Variants in IDH2 observed in about 807,000 individuals in gnomAD.
IDH2 encodes the protein isocitrate dehydrogenase (NADP(+)) 2, also known as isocitrate dehydrogenase [NADP], mitochondrial.
Under a neutral mutation model 50.5 loss-of-function variants are expected in IDH2, and 18 were observed. The observed-to-expected ratio is 0.36, with a 90% CI of 0.25 to 0.53. The LOEUF is 0.53. IDH2 is among the 20% of genes least tolerant of loss of function. The probability of loss-of-function intolerance (pLI) is 0.92; values close to 1 mark genes in which losing one functional copy is unlikely to be tolerated. For missense variants in IDH2, 518 were observed against 610.7 expected (o/e 0.85, Z 1.60); for synonymous variants, 280 against 239.8 (o/e 1.17, Z -1.55).
At chr15:90,096,916 GAA>G (rs1019055715) in intron 1 of IDH2, among the ~76,000 whole-genome samples, 2 of 141,476 alleles carry the variant, frequency 1.4e-5, no homozygotes, top group Non-Finnish European at 1.5e-5. Flanking sequence ...ACTCCGTCTC[GAA>G]AAAAAAAAAG....
chr15:90,090,722 G>T, intron 2 of IDH2, 78 bp from the exon 3 acceptor site: 1 of 1,411,532 alleles, frequency 7.1e-7, no homozygotes, highest in Non-Finnish European at 1.0e-6. Flanking sequence ...TAAGAAGTCT[G>T]CAGGCCATGG....
Position 90,098,440 on chromosome 15 carries a change from A to C in IDH2, c.115+3836T>G, listed in dbSNP as rs764758970. On this transcript the variant is annotated intron_variant, in intron 1 of 10. Transcript: ENST00000330062. This position sits in a 1 kb window ranked among gnomAD's most constrained non-coding sequence, Gnocchi z 5.1. ...TCAGCATGTCCCAGCAAAAGATCAG[A>C]GAGTGGGGAAAGGTTCCAATTCCTG... Among the ~76,000 whole-genome samples, 5 of 152,118 alleles carry C rather than the reference A, an allele frequency of 3.3e-5. No homozygotes were observed. The highest frequency in any genetic ancestry group is 4.8e-5 in the African/African-American group (2 of 41,394).
chr15:90,090,746 G>A, intron 2 of IDH2, 102 bp from the exon 3 acceptor site: 1 of 1,252,136 alleles, frequency 8.0e-7, no homozygotes, highest in African/African-American at 1.5e-5. Context: ...GGGACAGTCA[G>A]TCAAAACAGG....
At position 90,084,436 on chromosome 15, in the gene IDH2, G is replaced by A. The variant is rs1342083281; in HGVS notation, c.1272-83C>T. The stretch of plus-strand genomic sequence containing the variant: ...GCCAGGCCCTTCCAGGGAACAGCCT[G>A]AGCTTGGGCATCAGAACAGCCATCT... On this transcript the variant is annotated intron_variant, in intron 10 of 10. Coordinates refer to ENST00000330062, the MANE Select transcript of IDH2 (RefSeq NM_002168.4). The surrounding 1 kb of genome is among the most constrained non-coding windows in gnomAD (Gnocchi z 5.0). 3 of 1,273,044 alleles carry A rather than the reference G, an allele frequency of 2.4e-6. No homozygotes were observed. Among genetic ancestry groups the A allele is most frequent in the African/African-American group, 1.5e-5 (1 of 67,808 alleles). The allele number at this position is 1,273,044 out of a possible 1,614,324, so 78.9% of individuals were successfully genotyped here. A position where few individuals can be genotyped will look rare whatever the true frequency, so the allele number is the denominator to read the frequency against.
In IDH2 at chr15:90,084,064, G is replaced by T; in HGVS notation, c.*202C>A. On this transcript the variant is annotated 3_prime_UTR_variant, in exon 11 of 11. Coordinates refer to ENST00000330062, the MANE Select transcript of IDH2 (RefSeq NM_002168.4). The surrounding 1 kb of genome is among the most constrained non-coding windows in gnomAD (Gnocchi z 5.0). ...TACAGTATGCAAAACATACTGACTG[G>T]CTGAGGTAAAACGCACTGCTCCTGC... 1.7e-6 allele frequency: 1 copy of T among 601,512 alleles called. No homozygotes were observed. Among genetic ancestry groups the T allele is most frequent in the Non-Finnish European group, 3.0e-6 (1 of 335,908 alleles). 37.3% of individuals were successfully genotyped at this position (601,512 alleles called of 1,614,324 possible). A position where few individuals can be genotyped will look rare whatever the true frequency, so the allele number is the denominator to read the frequency against.
intron 1 of IDH2, among the ~76,000 whole-genome samples, chr15:90,093,433 G>A (rs576359405): frequency 6.6e-6 from 1 of 152,160 alleles, no homozygotes; most frequent in Non-Finnish European, 1.5e-5. Flanking sequence ...AACTTTGTCT[G>A]TTGCGTGCAA....
chr15:90,086,522 T>C (rs1052544155), intron 7 of IDH2, among the ~76,000 whole-genome samples: 1 of 152,132 alleles, frequency 6.6e-6, no homozygotes, highest in Non-Finnish European at 1.5e-5. Flanking sequence ...GCCTCTCAAG[T>C]AGCTGGGATT....
At chr15:90,087,804 GC>G (rs1900906905) in intron 5 of IDH2, among the ~76,000 whole-genome samples, 1 of 114,654 alleles carries the variant, frequency 8.7e-6, no homozygotes, top group African/African-American at 3.6e-5. Context: ...GGAAAACACC[GC>G]CTTTTTTTTT....
intron 1 of IDH2, among the ~76,000 whole-genome samples, chr15:90,094,817 G>A (rs1053213158): frequency 3.3e-5 from 5 of 152,224 alleles, no homozygotes; most frequent in Non-Finnish European, 5.9e-5. Context: ...CAGGAGAATC[G>A]CTTGAACCCG....
chr15:90,093,442 A>G (rs4462566), intron 1 of IDH2, among the ~76,000 whole-genome samples: 152,299 of 152,308 alleles, frequency 1, 76,145 homozygotes, highest in Middle Eastern at 1. Flanking sequence ...TGTTGCGTGC[A>G]ACCCAAGAGC....
chr15:90,087,580 A>G lies in IDH2; in HGVS notation c.679-5T>C. 4 of 1,612,934 alleles carry G rather than the reference A, an allele frequency of 2.5e-6. No homozygotes were observed. The highest frequency in any genetic ancestry group is 1.1e-5 in the South Asian group (1 of 91,014). On this transcript the variant is annotated splice_region_variant and splice_polypyrimidine_tract_variant and intron_variant, in intron 5 of 10. Coordinates refer to ENST00000330062, the MANE Select transcript of IDH2 (RefSeq NM_002168.4). ...GTGCGCAAAACCTGAGATGGACTGCAGGGGGAGAGACAGGGCCCTGGCGTG... is the reference window on the plus strand; with the variant it reads ...GTGCGCAAAACCTGAGATGGACTGCGGGGGGAGAGACAGGGCCCTGGCGTG...
rs751080545 is a variant in IDH2 at position 90,087,585 on chromosome 15, G to A, written c.679-10C>T. ...CAAAACCTGAGATGGACTGCAGGGG[G>A]AGAGACAGGGCCCTGGCGTGGTGCC... On this transcript the variant is annotated splice_polypyrimidine_tract_variant and intron_variant, in intron 5 of 10. Transcript: ENST00000330062. The A allele has an allele frequency of 6.2e-7, 1 of 1,612,770 alleles. No homozygotes were observed. The highest frequency in any genetic ancestry group is 1.7e-5 in the Admixed American group (1 of 60,020).
rs1211364171 is a variant in IDH2 at position 90,088,688 on chromosome 15, C to A, written c.433G>T (p.Gly145Trp). 1 of 1,614,096 alleles carries A rather than the reference C, an allele frequency of 6.2e-7. No homozygotes were observed. Among genetic ancestry groups the A allele is most frequent in the Non-Finnish European group, 8.5e-7 (1 of 1,180,024 alleles). The stretch of plus-strand genomic sequence containing the variant: ...ATGATGGGCTCCCGGAAGACAGTCC[C>A]CCCCAGGATGTTCCGGATAGTTCCA... ...PNGTIRNILG[G>W]TVFREPIICK... Residue 145 changes from glycine (G) to tryptophan (W), a missense_variant, in exon 4 of 11, where the codon GGG (glycine) becomes TGG (tryptophan). Coordinates refer to ENST00000330062, the MANE Select transcript of IDH2 (RefSeq NM_002168.4).
intron 1 of IDH2, among the ~76,000 whole-genome samples, chr15:90,095,906 G>T (rs1290053058): frequency 6.6e-6 from 1 of 152,154 alleles, no homozygotes; most frequent in Non-Finnish European, 1.5e-5. Flanking sequence ...TGTTCTGCTT[G>T]TTCCAGGTAC....
intron 3 of IDH2, among the ~76,000 whole-genome samples, chr15:90,089,417 C>T (rs1224433102): frequency 6.6e-6 from 1 of 152,136 alleles, no homozygotes; most frequent in Non-Finnish European, 1.5e-5. Flanking sequence ...GAGTACAGTC[C>T]GGGGGAAGGA....
In IDH2 at chr15:90,085,377, G is replaced by A. The variant is rs2151547107; in HGVS notation, c.978C>T (p.Ser326=). 6.4e-7 allele frequency: 1 copy of A among 1,556,180 alleles called. No homozygotes were observed. Among genetic ancestry groups the A allele is most frequent in the South Asian group, 1.2e-5 (1 of 84,400 alleles). Residue 326 remains serine (S), a synonymous_variant, in exon 8 of 11, where the codon TCC becomes TCT. Coordinates refer to ENST00000330062, the MANE Select transcript of IDH2 (RefSeq NM_002168.4). This position sits in a 1 kb window ranked among gnomAD's most constrained non-coding sequence, Gnocchi z 5.5. ...QSDILAQGFG[S]LGLMTSVLVC... Reference sequence around the variant, plus strand: ...CCAGGACGGACGTCATCAGGCCAAGGGAGCCAAAGCCTGGAGGGTAGAAAG... The same window carrying A: ...CCAGGACGGACGTCATCAGGCCAAGAGAGCCAAAGCCTGGAGGGTAGAAAG...
Position 90,091,565 on chromosome 15 carries a change from G to C in IDH2, c.195C>G (p.Phe65Leu). Residue 65 changes from phenylalanine (F) to leucine (L), a missense_variant, in exon 2 of 11, where the codon TTC (phenylalanine) becomes TTG (leucine). Phe to Leu is a conservative substitution (Grantham distance 22). Transcript: ENST00000330062. Reference protein sequence around the residue: ...GDEMTRIIWQFIKEKLILPHV... With the variant: ...GDEMTRIIWQLIKEKLILPHV... ...GAGGGGGCACTACCTTCTCCTTGAT[G>C]AACTGCCAGATAATACGGGTCATCT... 6.2e-7 allele frequency: 1 copy of C among 1,613,988 alleles called. No individual in the cohort carries two copies. Among genetic ancestry groups the C allele is most frequent in the Non-Finnish European group, 8.5e-7 (1 of 1,179,820 alleles).
intron 3 of IDH2, among the ~76,000 whole-genome samples, chr15:90,089,102 T>G (rs948395526): frequency 6.6e-6 from 1 of 151,722 alleles, no homozygotes; most frequent in African/African-American, 2.4e-5. Context: ...TTAGGAGAGA[T>G]GGGGTTTCTC....
At chr15:90,101,311 G>C (rs1482197674) in intron 1 of IDH2, among the ~76,000 whole-genome samples, 1 of 152,162 alleles carries the variant, frequency 6.6e-6, no homozygotes, top group East Asian at 1.9e-4. Flanking sequence ...TTAGGATAGG[G>C]GTTTCCATGG....
Sources: gnomAD v4.1 joint callset for allele counts (sites outside exome capture counted in the v4.1 genomes callset) on GRCh38, gnomAD v4.1.1 for gene constraint, Gnocchi (gnomAD v3.1) non-coding constraint, MANE v1.5 for transcripts, NCBI Gene and HGNC (gene_info 2026-07-23, HGNC 2026-07-21) for gene names.